PLAC8L1: variants seen among roughly 807,000 people sequenced by gnomAD.
PLAC8L1 encodes the protein PLAC8 like 1.
PLAC8L1 carries 13 observed loss-of-function variants against 16.3 expected under a neutral mutation model. That is an observed-to-expected ratio of 0.80 (90% CI 0.52 to 1.27). PLAC8L1 has a LOEUF of 1.27. Among genes scored for constraint, PLAC8L1 ranks in the 50% most tolerant of loss-of-function variants. The pLI is 0.00. For missense variants in PLAC8L1, 184 were observed against 220.2 expected, an observed-to-expected ratio of 0.84 and a Z score of 1.04; for synonymous variants, 78 against 79.3, an observed-to-expected ratio of 0.98 and a Z score of 0.09.
Position 146,086,443 on chromosome 5 carries a change from C to G in PLAC8L1, c.257-846G>C, listed in dbSNP as rs78048834. ...AGTGTCTTGGAGCCACTGACATCTG[C>G]CAGTTTTAATCTGCAGATTATTAGG... On this transcript the variant is annotated intron_variant, in intron 2 of 3. Transcript: ENST00000311450. 3.4e-3 allele frequency among the ~76,000 whole-genome samples: 514 copies of G among 152,290 alleles called. 6 individuals are homozygous for G. The highest frequency in any genetic ancestry group is 0.011 in the African/African-American group (454 of 41,560).
intron 2 of PLAC8L1, among the ~76,000 whole-genome samples, chr5:146,091,055 G>GA (rs370887483): frequency 0.11 from 15,938 of 147,922 alleles, 1,359 homozygotes; most frequent in African/African-American, 0.24. Context: ...ACTCTGTCTC[G>GA]AAAAAAAAAA....
chr5:146,103,162 CTTCT>C (rs1205930282), intron 1 of PLAC8L1, among the ~76,000 whole-genome samples: 2 of 152,108 alleles, frequency 1.3e-5, no homozygotes, highest in African/African-American at 2.4e-5. Context: ...ACTCCCATCT[CTTCT>C]TTCTTTTTTT....
chr5:146,092,957 TTAAAA>T (rs531675744), intron 2 of PLAC8L1, among the ~76,000 whole-genome samples: 44 of 152,164 alleles, frequency 2.9e-4, no homozygotes, highest in Admixed American at 1.2e-3. Context: ...TATTATTAAA[TTAAAA>T]TAAGCCAAAG....
In PLAC8L1 at chr5:146,105,045, G is replaced by A. The variant is rs1280440634; in HGVS notation, c.-734C>T. Among the ~76,000 whole-genome samples the A allele has an allele frequency of 2.0e-5, 3 of 152,174 alleles. No individual in the cohort carries two copies. The highest frequency in any genetic ancestry group is 1.3e-4 in the Admixed American group (2 of 15,270). ...CAGCTCTGAATCCTCAAGGTCTCAG[G>A]AGCCTCTGAATCATGCCTCTGGCAC... On this transcript the variant is annotated 5_prime_UTR_variant, in exon 1 of 4. Transcript: ENST00000311450.
At position 146,105,213 on chromosome 5, in the gene PLAC8L1, A is replaced by C. The variant is rs534075943; in HGVS notation, c.-902T>G. Reference sequence around the variant, plus strand: ...AGACATCAGGAGGATACTGCCAATTATATCATATATTCTTTTCATCAGACC... The same window carrying C: ...AGACATCAGGAGGATACTGCCAATTCTATCATATATTCTTTTCATCAGACC... On this transcript the variant is annotated 5_prime_UTR_variant, in exon 1 of 4. The change abolishes the stop of an existing upstream ORF in the 5' untranslated region. Transcript: ENST00000311450. Among the ~76,000 whole-genome samples, 1 of 152,320 alleles carries C rather than the reference A, an allele frequency of 6.6e-6. No individual in the cohort carries two copies. The highest frequency in any genetic ancestry group is 6.5e-5 in the Admixed American group (1 of 15,304).
intron 3 of PLAC8L1, 107 bp from the exon 4 acceptor site, chr5:146,084,679 G>A (rs1580969508): frequency 7.8e-6 from 11 of 1,418,920 alleles, no homozygotes; most frequent in Non-Finnish European, 1.0e-5. Flanking sequence ...AGCTTCCAAG[G>A]TTCACCAACA....
rs1259253414 is a variant in PLAC8L1 at position 146,104,581 on chromosome 5, G to A, written c.-270C>T. ...AATAGAAGAAAAAGACTTATCTTTG[G>A]TGGAAAACTCTTTAAGAGATGCCTC... is the stretch of plus-strand genomic sequence containing the variant. On this transcript the variant is annotated 5_prime_UTR_variant, in exon 1 of 4. Coordinates refer to ENST00000311450, the MANE Select transcript of PLAC8L1 (RefSeq NM_001029869.3). 6.6e-6 allele frequency: 2 copies of A among 302,602 alleles called. No homozygotes were observed. The highest frequency in any genetic ancestry group is 1.2e-5 in the Non-Finnish European group (2 of 160,564). The allele number at this position is 302,602 out of a possible 1,614,324, so 18.7% of individuals were successfully genotyped here. A position where few individuals can be genotyped will look rare whatever the true frequency, so the allele number is the denominator to read the frequency against.
intron 2 of PLAC8L1, among the ~76,000 whole-genome samples, chr5:146,092,086 A>G (rs1047374023): frequency 3.9e-5 from 6 of 152,166 alleles, no homozygotes; most frequent in Non-Finnish European, 8.8e-5. Flanking sequence ...CTCATAGGAG[A>G]GTCAAGAGAA....
intron 1 of PLAC8L1, among the ~76,000 whole-genome samples, chr5:146,103,178 A>T (rs927005226): frequency 6.6e-6 from 1 of 152,004 alleles, no homozygotes; most frequent in Non-Finnish European, 1.5e-5. Context: ...TCTTTTTTTG[A>T]GACAGAGTTT....
At chr5:146,100,697 T>C (rs1763799414) in intron 1 of PLAC8L1, among the ~76,000 whole-genome samples, 1 of 152,078 alleles carries the variant, frequency 6.6e-6, no homozygotes, top group Non-Finnish European at 1.5e-5. Flanking sequence ...GAAAAATATA[T>C]ATATATGGAT....
At chr5:146,098,772 C>T (rs1763760673) in intron 1 of PLAC8L1, among the ~76,000 whole-genome samples, 1 of 152,206 alleles carries the variant, frequency 6.6e-6, no homozygotes, top group Admixed American at 6.5e-5. Flanking sequence ...GAGTGAGCTG[C>T]ATCCCAAGGA....
In PLAC8L1 at chr5:146,099,910, C is replaced by G. The variant is rs6863097; in HGVS notation, c.120-1618G>C. On this transcript the variant is annotated intron_variant, in intron 1 of 3. Coordinates refer to ENST00000311450, the MANE Select transcript of PLAC8L1 (RefSeq NM_001029869.3). ...AGATCCACATCTCTTTTTCATCCCA[C>G]CAATACGGATCATGTCTACACCTTC... Among the ~76,000 whole-genome samples the G allele has an allele frequency of 2.8e-3, 427 of 152,236 alleles. 4 individuals are homozygous for G. Among genetic ancestry groups the G allele is most frequent in the African/African-American group, 0.01 (419 of 41,546 alleles).
At chr5:146,093,822 C>T (rs1763664300) in intron 2 of PLAC8L1, among the ~76,000 whole-genome samples, 1 of 152,098 alleles carries the variant, frequency 6.6e-6, no homozygotes, top group Non-Finnish European at 1.5e-5. Context: ...TTCTTCCTAC[C>T]TTGGGTATCT....
chr5:146,103,550 G>C (rs1763858145), intron 1 of PLAC8L1: 1 of 672,490 alleles, frequency 1.5e-6, no homozygotes, highest in African/African-American at 2.0e-5. Flanking sequence ...GGATAGGGAA[G>C]TTTTAGTGCT....
At chr5:146,091,831 G>T (rs994377224) in intron 2 of PLAC8L1, among the ~76,000 whole-genome samples, 27 of 151,932 alleles carry the variant, frequency 1.8e-4, no homozygotes, top group African/African-American at 6.5e-4. Context: ...TAAAAGAAGG[G>T]AAATGATTCC....
At chr5:146,087,379 A>G (rs780104065) in intron 2 of PLAC8L1, among the ~76,000 whole-genome samples, 22 of 152,200 alleles carry the variant, frequency 1.4e-4, no homozygotes, top group Non-Finnish European at 2.9e-4. Flanking sequence ...ATTTGGATGG[A>G]TACCTGGAAG....
intron 2 of PLAC8L1, 142 bp downstream of exon 2, chr5:146,098,014 A>T: frequency 2.1e-6 from 2 of 966,520 alleles, no homozygotes; most frequent in Non-Finnish European, 3.0e-6. Context: ...GACAAGGAGT[A>T]CATTTGAGTC....
In PLAC8L1 at chr5:146,101,419, C is replaced by T. The variant is rs561291510; in HGVS notation, c.119+2774G>A. ...CCACACAGCCTATGGTATTTTGCTA[C>T]GGCAACCGAAACAGATTAAGACATC... On this transcript the variant is annotated intron_variant, in intron 1 of 3. Transcript: ENST00000311450. Among the ~76,000 whole-genome samples the T allele has an allele frequency of 8.5e-5, 13 of 152,250 alleles. No individual in the cohort carries two copies. The South Asian group carries it at 1.9e-3, about 22-fold the overall frequency.
rs1220690746 is a variant in PLAC8L1, at chr5:146,085,500, A to G, written c.354T>C (p.Phe118=). Reference sequence around the variant, plus strand: ...TCTCCCTGGTGCCAATTCTCAGTGCAAAGGTGGACCCAGGTAACAACGGCC... The same window carrying G: ...TCTCCCTGGTGCCAATTCTCAGTGCGAAGGTGGACCCAGGTAACAACGGCC... ...LCWPLLPGST[F]ALRIGTRERH... is the part of the protein sequence containing the mutation. The change falls in exon 3 of 4, where the codon TTT becomes TTC. Residue 118 remains phenylalanine, a synonymous_variant. Coordinates refer to ENST00000311450, the MANE Select transcript of PLAC8L1 (RefSeq NM_001029869.3). 2 of 1,614,016 alleles carry G rather than the reference A, an allele frequency of 1.2e-6. No individual in the cohort carries two copies. The highest frequency in any genetic ancestry group is 1.7e-6 in the Non-Finnish European group (2 of 1,180,040).
Sources: gnomAD v4.1 joint callset for allele counts (sites outside exome capture counted in the v4.1 genomes callset) on GRCh38, gnomAD v4.1.1 for gene constraint, MANE v1.5 for transcripts, NCBI Gene and HGNC (gene_info 2026-07-23, HGNC 2026-07-21) for gene names.